The following FGF12 variants were observed in gnomAD, a reference collection of about 807,000 sequenced individuals.
FGF12 encodes the protein fibroblast growth factor 12.
In FGF12, 14 loss-of-function variants were observed where a neutral mutation model predicts 23.6. That is an observed-to-expected ratio of 0.59 (90% CI 0.39 to 0.93). FGF12 has a LOEUF of 0.93. FGF12 is among the 40% of genes least tolerant of loss of function. The pLI is 0.00. For synonymous variants in FGF12, 62 were observed against 77.3 expected, an observed-to-expected ratio of 0.80 and a Z score of 1.04; for missense variants, 175 against 217.8, an observed-to-expected ratio of 0.80 and a Z score of 1.24.
intron 2 of FGF12, among the ~76,000 whole-genome samples, chr3:192,424,045 T>A (rs1025805419): frequency 2.0e-5 from 3 of 151,502 alleles, no homozygotes; most frequent in Non-Finnish European, 4.4e-5. Flanking sequence ...CCGCCCTCTT[T>A]AAATTTGTTT....
intron 4 of FGF12, among the ~76,000 whole-genome samples, chr3:192,187,688 T>A (rs976508552): frequency 2.0e-5 from 3 of 152,142 alleles, no homozygotes; most frequent in African/African-American, 7.2e-5. Context: ...AGAGGCTGCT[T>A]TGGATTGACC....
intron 2 of FGF12, among the ~76,000 whole-genome samples, chr3:192,370,590 C>T (rs1170073106): frequency 6.6e-6 from 1 of 152,038 alleles, no homozygotes; most frequent in African/African-American, 2.4e-5. Context: ...GGCTGTCATG[C>T]CCCACATGCT....
At chr3:192,229,167 T>A (rs6806166) in intron 4 of FGF12, among the ~76,000 whole-genome samples, 74,827 of 148,368 alleles carry the variant, frequency 0.5, 20,134 homozygotes, top group East Asian at 0.98. Context: ...AATAAAATTT[T>A]AAAAAAAAAA....
rs142849693 is a variant in FGF12, at chr3:192,568,974, T to G, written c.13+158207A>C. 2.0e-5 allele frequency among the ~76,000 whole-genome samples: 3 copies of G among 152,260 alleles called. No individual in the cohort carries two copies. The East Asian group carries it at 5.8e-4, about 29-fold the overall frequency. On this transcript the variant is annotated intron_variant, in intron 2 of 5. Coordinates refer to ENST00000445105, the MANE Select transcript of FGF12 (RefSeq NM_004113.6). Reference sequence around the variant, plus strand: ...CCAACTTATGAAGGGCACACTTACGTTGGTTCTCCAAAGTTGAATAAATGT... The same window carrying G: ...CCAACTTATGAAGGGCACACTTACGGTGGTTCTCCAAAGTTGAATAAATGT...
At chr3:192,414,083 C>T (rs1232810532) in intron 2 of FGF12, among the ~76,000 whole-genome samples, 1 of 152,110 alleles carries the variant, frequency 6.6e-6, no homozygotes, top group African/African-American at 2.4e-5. Flanking sequence ...GAAAAGAGAA[C>T]AGATTTAATT....
chr3:192,664,508 G>A (rs1012297899), intron 2 of FGF12, among the ~76,000 whole-genome samples: 1 of 151,392 alleles, frequency 6.6e-6, no homozygotes, highest in Admixed American at 6.6e-5. Context: ...CAGCACTTTG[G>A]GAGGCCAAGG....
intron 4 of FGF12, among the ~76,000 whole-genome samples, chr3:192,331,327 A>C (rs6805284): frequency 1.2e-3 from 178 of 150,312 alleles, no homozygotes; most frequent in Middle Eastern, 3.4e-3. Context: ...AAAAAAAAAA[A>C]AAAAACAAAA....
In FGF12 at chr3:192,370,596, A is replaced by G. The variant is rs191019169; in HGVS notation, c.14-10058T>C. The stretch of plus-strand genomic sequence containing the variant: ...ATAGCCAATGGCTGTCATGCCCCAC[A>G]TGCTTCAGAGGCCAATGCATTAAGC... On this transcript the variant is annotated intron_variant, in intron 2 of 5. Transcript: ENST00000445105. 2.6e-5 allele frequency among the ~76,000 whole-genome samples: 4 copies of G among 152,174 alleles called. No homozygotes were observed. The East Asian group carries it at 7.7e-4, about 29-fold the overall frequency.
chr3:192,471,505 A>G (rs139306040), intron 2 of FGF12, among the ~76,000 whole-genome samples: 2,169 of 152,340 alleles, frequency 0.014, 21 homozygotes, highest in Middle Eastern at 0.027. Flanking sequence ...TATACTTTTT[A>G]GAAAAGGGAA....
At chr3:192,500,869 G>A (rs903772702) in intron 2 of FGF12, among the ~76,000 whole-genome samples, 28 of 152,068 alleles carry the variant, frequency 1.8e-4, no homozygotes, top group African/African-American at 6.3e-4. Context: ...GGCACTGAGG[G>A]GTTAAAGAAC....
At chr3:192,433,467 C>A (rs906094207) in intron 2 of FGF12, among the ~76,000 whole-genome samples, 2 of 152,238 alleles carry the variant, frequency 1.3e-5, no homozygotes, top group Admixed American at 1.3e-4. Context: ...GACCAAATTG[C>A]GCATTTGAAA....
At chr3:192,311,897 G>C (rs1025795891) in intron 4 of FGF12, among the ~76,000 whole-genome samples, 12 of 151,806 alleles carry the variant, frequency 7.9e-5, no homozygotes, top group Non-Finnish European at 1.8e-4. Context: ...TAATGGTGTT[G>C]AGTACATTTC....
intron 2 of FGF12, among the ~76,000 whole-genome samples, chr3:192,609,898 G>T (rs952839575): frequency 6.6e-6 from 1 of 152,058 alleles, no homozygotes; most frequent in South Asian, 2.1e-4. Flanking sequence ...GACCATGTCA[G>T]CTAAAATATA....
At chr3:192,399,005 AG>A (rs1164931959) in intron 2 of FGF12, among the ~76,000 whole-genome samples, 1 of 152,158 alleles carries the variant, frequency 6.6e-6, no homozygotes, top group Admixed American at 6.5e-5. Flanking sequence ...AGTGCTGACC[AG>A]GTCCTGTGCT....
chr3:192,425,135 A>G (rs1576972445), intron 2 of FGF12, among the ~76,000 whole-genome samples: 1 of 152,180 alleles, frequency 6.6e-6, no homozygotes, highest in Non-Finnish European at 1.5e-5. Context: ...TCCCTCAGTC[A>G]TTGGGCACTT....
intron 2 of FGF12, among the ~76,000 whole-genome samples, chr3:192,506,186 G>A (rs981809353): frequency 2.0e-5 from 3 of 152,178 alleles, no homozygotes; most frequent in Non-Finnish European, 4.4e-5. Context: ...TCAATCTCTT[G>A]TCCAATCAAA....
chr3:192,465,433 C>A (rs1038656587), intron 2 of FGF12, among the ~76,000 whole-genome samples: 2 of 152,202 alleles, frequency 1.3e-5, no homozygotes, highest in Non-Finnish European at 2.9e-5. Context: ...TTGCCCTACA[C>A]TCAGAATCTG....
intron 5 of FGF12, among the ~76,000 whole-genome samples, chr3:192,154,346 G>A (rs1271888894): frequency 4.1e-5 from 5 of 122,248 alleles, no homozygotes; most frequent in African/African-American, 6.1e-5. Flanking sequence ...GCTTTGTTCC[G>A]TTGCTGGTGA....
intron 2 of FGF12, among the ~76,000 whole-genome samples, chr3:192,518,192 A>G (rs903575082): frequency 6.6e-6 from 1 of 152,166 alleles, no homozygotes; most frequent in Non-Finnish European, 1.5e-5. Context: ...TTTTAAAGTT[A>G]GCCATTCTTT....
Sources: allele counts gnomAD v4.1 joint callset (sites outside exome capture counted in the v4.1 genomes callset), GRCh38; gene constraint gnomAD v4.1.1; transcripts MANE v1.5; gene names NCBI Gene and HGNC (gene_info 2026-07-23, HGNC 2026-07-21).